ZNF471: variants seen among roughly 807,000 people sequenced by gnomAD.
The protein encoded by ZNF471 is zinc finger protein 471.
A neutral mutation model predicts 13.7 loss-of-function variants in ZNF471; 7 were observed. That is an observed-to-expected ratio of 0.51 (90% confidence interval 0.29 to 0.96). ZNF471 has a LOEUF of 0.96. ZNF471 is among the 40% of genes least tolerant of loss of function. The probability of loss-of-function intolerance (pLI) is 0.08; values close to 1 mark genes in which losing one functional copy is unlikely to be tolerated. For synonymous variants in ZNF471, 218 were observed against 235.6 expected (o/e 0.93, Z 0.68); for missense variants, 663 against 743.3 (o/e 0.89, Z 1.26).
In ZNF471 at chr19:56,529,654, T is replaced by G. The variant is rs1260053127; in HGVS notation, c.*3706T>G. 6.6e-6 allele frequency: 1 copy of G among 152,156 alleles called. No homozygotes were observed. The highest frequency in any genetic ancestry group is 1.5e-5 in the Non-Finnish European group (1 of 68,036). 9.4% of individuals were successfully genotyped at this position (152,156 alleles called of 1,614,324 possible). The stretch of plus-strand genomic sequence containing the variant: ...GTCTTGCAGAGCATGTCAACAAAAT[T>G]TATTGGATGAAGAAATTAAAATGGT... On this transcript the variant is annotated 3_prime_UTR_variant, in exon 5 of 5. Coordinates refer to ENST00000308031, the MANE Select transcript of ZNF471 (RefSeq NM_020813.4).
At chr19:56,511,108 T>TC in intron 1 of ZNF471, 3 of 772,604 alleles carry the variant, frequency 3.9e-6, no homozygotes, top group Non-Finnish European at 4.7e-6. Flanking sequence ...TTTTTTTTTT[T>TC]CCCAAAAACC....
At position 56,510,821 on chromosome 19, in the gene ZNF471, G is replaced by T. The variant is rs574153224; in HGVS notation, c.-55-696G>T. On this transcript the variant is annotated intron_variant, in intron 1 of 4. Coordinates refer to ENST00000308031, the MANE Select transcript of ZNF471 (RefSeq NM_020813.4). The surrounding 1 kb of genome is among the most constrained non-coding windows in gnomAD (Gnocchi z 4.3). ...TAGAATTCCTGTCCCCAGTCCAAGG[G>T]TTTCAGTAAGAAGCAAAGCTGGGGT... The T allele has an allele frequency of 1.0e-5, 10 of 985,446 alleles. No homozygotes were observed. The highest frequency in any genetic ancestry group is 1.2e-4 in the Admixed American group (2 of 16,280). The allele number at this position is 985,446 out of a possible 1,614,324, so 61.0% of individuals were successfully genotyped here.
intron 2 of ZNF471, among the ~76,000 whole-genome samples, chr19:56,514,381 TTCTTAG>T (rs1290251720): frequency 1.3e-5 from 2 of 152,134 alleles, no homozygotes; most frequent in East Asian, 3.9e-4. Context: ...CGGCCAGGCT[TTCTTAG>T]GTTTTATCTA....
chr19:56,523,357 C>CT (rs201870381), intron 4 of ZNF471, among the ~76,000 whole-genome samples: 2,731 of 136,266 alleles, frequency 0.02, 30 homozygotes, highest in African/African-American at 0.042. Flanking sequence ...GTGAAACCCT[C>CT]TTTTTTTTTT....
At chr19:56,520,631 G>T (rs1461068449) in intron 4 of ZNF471, among the ~76,000 whole-genome samples, 2 of 152,142 alleles carry the variant, frequency 1.3e-5, no homozygotes, top group African/African-American at 4.8e-5. Context: ...ATTAGGTCAT[G>T]AGGGCTCATG....
chr19:56,525,675 T>G lies in ZNF471; in HGVS notation c.1608T>G (p.Thr536=). 3 of 1,614,122 alleles carry G rather than the reference T, an allele frequency of 1.9e-6. No individual in the cohort carries two copies. The highest frequency in any genetic ancestry group is 2.5e-6 in the Non-Finnish European group (3 of 1,179,992). Reference sequence around the variant, plus strand: ...CACACCTTGCCCAACATCAGAAAACTCATACAGGAGAGAAACCTTATGAGT... The same window carrying G: ...CACACCTTGCCCAACATCAGAAAACGCATACAGGAGAGAAACCTTATGAGT... ...QRSHLAQHQK[T]HTGEKPYECN... The change falls in exon 5 of 5, where the codon ACT becomes ACG. Residue 536 remains threonine, a synonymous_variant. Coordinates refer to ENST00000308031, the MANE Select transcript of ZNF471 (RefSeq NM_020813.4).
chr19:56,529,461 G>A lies in ZNF471; in HGVS notation c.*3513G>A, dbSNP rs1184791353. On this transcript the variant is annotated 3_prime_UTR_variant, in exon 5 of 5. Transcript: ENST00000308031. ...CAGGACAAGGTCCAGAAGCCATGAA[G>A]AGAGAATGACAGGACTGTGTAGAAG... 1 of 152,182 alleles carries A rather than the reference G, an allele frequency of 6.6e-6. No individual in the cohort carries two copies. The highest frequency in any genetic ancestry group is 1.5e-5 in the Non-Finnish European group (1 of 68,052). The allele number at this position is 152,182 out of a possible 1,614,324, so 9.4% of individuals were successfully genotyped here. A position where few individuals can be genotyped will look rare whatever the true frequency, so the allele number is the denominator to read the frequency against.
intron 1 of ZNF471, chr19:56,509,937 C>G: frequency 1.0e-6 from 1 of 985,244 alleles, no homozygotes; most frequent in South Asian, 4.7e-5. Context: ...GAAAGATGAA[C>G]AAGTATGAGG....
At position 56,528,239 on chromosome 19, in the gene ZNF471, C is replaced by G. The variant is rs1233323920; in HGVS notation, c.*2291C>G. The G allele has an allele frequency of 1.3e-5, 2 of 152,080 alleles. No individual in the cohort carries two copies. The highest frequency in any genetic ancestry group is 4.8e-5 in the African/African-American group (2 of 41,400). 9.4% of individuals were successfully genotyped at this position (152,080 alleles called of 1,614,324 possible). On this transcript the variant is annotated 3_prime_UTR_variant, in exon 5 of 5. Transcript: ENST00000308031. The stretch of plus-strand genomic sequence containing the variant: ...TGCAAATTAAGTTACTCTTAAAACT[C>G]TAGTTAAAATACTTGATGTACATAA...
rs1189159910 is a variant in ZNF471 at position 56,525,829 on chromosome 19, C to G, written c.1762C>G (p.Gln588Glu). 1.2e-6 allele frequency: 2 copies of G among 1,614,034 alleles called. No individual in the cohort carries two copies. Among genetic ancestry groups the G allele is most frequent in the African/African-American group, 2.7e-5 (2 of 74,920 alleles). The change falls in exon 5 of 5, where the codon CAG (glutamine) becomes GAG (glutamate). Residue 588 changes from glutamine to glutamate, a missense_variant. By Grantham distance (29) the Gln-to-Glu change is conservative. Coordinates refer to ENST00000308031, the MANE Select transcript of ZNF471 (RefSeq NM_020813.4). ...TTTTAGTGATAGCTCATCCTGTGCT[C>G]AGCATCAAAGACTCCACACTGGCCA... ...KAFSDSSSCA[Q>E]HQRLHTGQRP...
At chr19:56,514,906 A>T in intron 2 of ZNF471, among the ~76,000 whole-genome samples, 1 of 150,840 alleles carries the variant, frequency 6.6e-6, no homozygotes, top group Non-Finnish European at 1.5e-5. Flanking sequence ...TATTTTCCTC[A>T]TTTATTTATT....
In ZNF471 at chr19:56,525,703, A is replaced by T; in HGVS notation, c.1636A>T (p.Asn546Tyr). ...THTGEKPYECNECGKAFSQTS... is the reference protein window; with the variant it reads ...THTGEKPYECYECGKAFSQTS... ...TACAGGAGAGAAACCTTATGAGTGTAATGAATGCGGGAAAGCCTTCAGCCA... is the reference window on the plus strand; with the variant it reads ...TACAGGAGAGAAACCTTATGAGTGTTATGAATGCGGGAAAGCCTTCAGCCA... The change falls in exon 5 of 5, where the codon AAT becomes TAT. Residue 546 changes from asparagine to tyrosine, a missense_variant. Coordinates refer to ENST00000308031, the MANE Select transcript of ZNF471 (RefSeq NM_020813.4). 1 of 1,613,948 alleles carries T rather than the reference A, an allele frequency of 6.2e-7. No homozygotes were observed. Among genetic ancestry groups the T allele is most frequent in the Non-Finnish European group, 8.5e-7 (1 of 1,179,850 alleles).
At chr19:56,517,178 G>C (rs904672832) in intron 3 of ZNF471, among the ~76,000 whole-genome samples, 2 of 112,840 alleles carry the variant, frequency 1.8e-5, no homozygotes, top group African/African-American at 6.8e-5. Flanking sequence ...GTCTTGCTCT[G>C]TTGCCCAGGC....
In ZNF471 at chr19:56,510,383, A is replaced by G. The variant is rs961287529; in HGVS notation, c.-55-1134A>G. On this transcript the variant is annotated intron_variant, in intron 1 of 4. Coordinates refer to ENST00000308031, the MANE Select transcript of ZNF471 (RefSeq NM_020813.4). This position sits in a 1 kb window ranked among gnomAD's most constrained non-coding sequence, Gnocchi z 4.3. ...GACCAAAATGGGTGAGAAAGAAACT[A>G]TGTGAACCATGGTGTGTTATCCAAA... 3.0e-6 allele frequency: 3 copies of G among 985,408 alleles called. No individual in the cohort carries two copies. Among genetic ancestry groups the G allele is most frequent in the South Asian group, 4.7e-5 (1 of 21,290 alleles). 61.0% of individuals were successfully genotyped at this position (985,408 alleles called of 1,614,324 possible).
intron 2 of ZNF471, among the ~76,000 whole-genome samples, chr19:56,513,715 C>T (rs939936354): frequency 6.6e-6 from 1 of 151,854 alleles, no homozygotes; most frequent in African/African-American, 2.4e-5. Flanking sequence ...TTATGTGTTT[C>T]TATTTTGTGA....
intron 2 of ZNF471, among the ~76,000 whole-genome samples, chr19:56,512,235 G>C (rs1272546654): frequency 6.6e-6 from 1 of 150,442 alleles, no homozygotes; most frequent in Non-Finnish European, 1.5e-5. Flanking sequence ...TCAGAGCTAT[G>C]TTATGCCTTT....
At chr19:56,520,685 G>A (rs978890504) in intron 4 of ZNF471, among the ~76,000 whole-genome samples, 1 of 152,126 alleles carries the variant, frequency 6.6e-6, no homozygotes, top group Admixed American at 6.5e-5. Flanking sequence ...GAGCTTCCTT[G>A]CCCCTTCCAC....
In ZNF471 at chr19:56,518,475, T is replaced by C; in HGVS notation, c.161-7T>C. On this transcript the variant is annotated splice_polypyrimidine_tract_variant and splice_region_variant and intron_variant, in intron 3 of 4. Coordinates refer to ENST00000308031, the MANE Select transcript of ZNF471 (RefSeq NM_020813.4). ...GACCAATTTTCATGTCTTTTTTTTA[T>C]ATGTAGGTCTTTGCATTTCTAAGCC... 1 of 1,609,302 alleles carries C rather than the reference T, an allele frequency of 6.2e-7. No homozygotes were observed. Among genetic ancestry groups the C allele is most frequent in the South Asian group, 1.1e-5 (1 of 90,038 alleles).
intron 3 of ZNF471, 88 bp from the exon 4 acceptor site, chr19:56,518,394 T>C (rs1000196148): frequency 1.1e-5 from 11 of 962,150 alleles, no homozygotes; most frequent in Admixed American, 2.2e-5. Context: ...ATTCCTACTA[T>C]ATCATTCCAC....
Sources: gnomAD v4.1 joint callset for allele counts (sites outside exome capture counted in the v4.1 genomes callset) on GRCh38, gnomAD v4.1.1 for gene constraint, Gnocchi (gnomAD v3.1) non-coding constraint, MANE v1.5 for transcripts, NCBI Gene and HGNC (gene_info 2026-07-23, HGNC 2026-07-21) for gene names.